FER: variants seen among roughly 807,000 people sequenced by gnomAD.
FER encodes tyrosine-protein kinase Fer.
In FER, 63 loss-of-function variants were observed where a neutral mutation model predicts 111.0. The ratio of observed to expected loss-of-function variants is 0.57; its 90% confidence interval spans 0.46 to 0.70. FER has a LOEUF of 0.70. Ranked by LOEUF, FER falls within the 30% of genes least tolerant of loss-of-function variation. The pLI, the probability that FER is intolerant of heterozygous loss-of-function variation, is 0.00. For missense variants in FER, 914 were observed against 954.0 expected, an observed-to-expected ratio of 0.96 and a Z score of 0.55; for synonymous variants, 327 against 313.9, an observed-to-expected ratio of 1.04 and a Z score of -0.44.
intron 16 of FER, among the ~76,000 whole-genome samples, chr5:109,087,452 AATT>A (rs1777690585): frequency 1.3e-5 from 2 of 151,772 alleles, no homozygotes. Context: ...TTATTCTATT[AATT>A]ATTGAGAAAA....
intron 13 of FER, among the ~76,000 whole-genome samples, chr5:109,029,103 A>T (rs957695401): frequency 6.6e-6 from 1 of 152,182 alleles, no homozygotes; most frequent in East Asian, 1.9e-4. Flanking sequence ...GAGTATAGAG[A>T]TAAGCAGAAA....
At position 109,010,649 on chromosome 5, in the gene FER, T is replaced by C. The variant is rs1203986320; in HGVS notation, c.1657-26773T>C. Among the ~76,000 whole-genome samples the C allele has an allele frequency of 3.9e-5, 6 of 152,302 alleles. No individual in the cohort carries two copies. The East Asian group carries it at 1.2e-3, about 29-fold the overall frequency. On this transcript the variant is annotated intron_variant, in intron 13 of 19. Transcript: ENST00000281092. Reference sequence around the variant, plus strand: ...ATCTTCTCTTCCCTTCCTGGATTTATATCTTGATCCCCGGTCCATGGCATT... The same window carrying C: ...ATCTTCTCTTCCCTTCCTGGATTTACATCTTGATCCCCGGTCCATGGCATT...
chr5:109,114,055 G>A (rs1749944664), intron 17 of FER, among the ~76,000 whole-genome samples: 1 of 152,104 alleles, frequency 6.6e-6, no homozygotes, highest in South Asian at 2.1e-4. Flanking sequence ...TGGTGCTAAA[G>A]TGACATTCTT....
At chr5:109,036,916 T>G (rs1770486896) in intron 13 of FER, among the ~76,000 whole-genome samples, 1 of 152,018 alleles carries the variant, frequency 6.6e-6, no homozygotes, top group South Asian at 2.1e-4. Context: ...CACAGGAGAT[T>G]ACTTGGGAAA....
intron 11 of FER, among the ~76,000 whole-genome samples, chr5:108,946,786 A>T (rs1406167760): frequency 8.6e-6 from 1 of 116,588 alleles, no homozygotes; most frequent in Admixed American, 9.5e-5. Flanking sequence ...CACACAGAAG[A>T]GTTTCTCTAA....
intron 14 of FER, among the ~76,000 whole-genome samples, chr5:109,042,396 T>A (rs1220642347): frequency 1.3e-5 from 2 of 152,064 alleles, no homozygotes; most frequent in Non-Finnish European, 2.9e-5. Context: ...AGCAAAGGTT[T>A]GCGTTGAATG....
chr5:108,781,723 G>A (rs1013707447), intron 2 of FER, among the ~76,000 whole-genome samples: 1 of 152,082 alleles, frequency 6.6e-6, no homozygotes, highest in Non-Finnish European at 1.5e-5. Context: ...CGTCTCCCAA[G>A]GTAAGACAGC....
chr5:109,006,819 A>C (rs990100001), intron 13 of FER, among the ~76,000 whole-genome samples: 1 of 152,114 alleles, frequency 6.6e-6, no homozygotes, highest in Non-Finnish European at 1.5e-5. Context: ...TGATGCTCAT[A>C]TGGTGGGGGG....
intron 5 of FER, chr5:108,843,043 TAA>T (rs1427414862): frequency 6.6e-6 from 1 of 152,192 alleles, no homozygotes; most frequent in Non-Finnish European, 1.5e-5. Context: ...GTGGTGTATA[TAA>T]GAGTGTATAC....
intron 17 of FER, among the ~76,000 whole-genome samples, chr5:109,128,176 C>T (rs556252387): frequency 6.6e-6 from 1 of 151,754 alleles, no homozygotes; most frequent in Non-Finnish European, 1.5e-5. Context: ...TCCTTCCTTA[C>T]CCAGTGATTG....
intron 2 of FER, among the ~76,000 whole-genome samples, chr5:108,777,395 A>G (rs1753608515): frequency 1.3e-5 from 2 of 152,136 alleles, no homozygotes; most frequent in Admixed American, 1.3e-4. Flanking sequence ...AGAGTGGTAT[A>G]TTTGTTTACA....
chr5:109,043,815 A>C (rs1301237110), intron 14 of FER, among the ~76,000 whole-genome samples: 1 of 152,014 alleles, frequency 6.6e-6, no homozygotes, highest in Non-Finnish European at 1.5e-5. Context: ...TACTAAAAAT[A>C]CAAAAATTAG....
chr5:109,168,281 T>C (rs150406810), intron 17 of FER, among the ~76,000 whole-genome samples: 1 of 152,284 alleles, frequency 6.6e-6, no homozygotes, highest in East Asian at 1.9e-4. Context: ...TTTCCTGGCA[T>C]AAATGACGTC....
At chr5:109,058,899 A>T (rs1270015931) in intron 16 of FER, among the ~76,000 whole-genome samples, 1 of 151,214 alleles carries the variant, frequency 6.6e-6, no homozygotes, top group Non-Finnish European at 1.5e-5. Context: ...TGCCCGGCTA[A>T]TTTTTGTATT....
intron 14 of FER, among the ~76,000 whole-genome samples, chr5:109,043,500 T>C (rs978962824): frequency 1.3e-5 from 2 of 152,288 alleles, no homozygotes; most frequent in East Asian, 1.9e-4. Context: ...GTTAAAAATA[T>C]TTTAAGGTAT....
intron 10 of FER, among the ~76,000 whole-genome samples, chr5:108,928,000 T>C (rs1023449670): frequency 6.6e-6 from 1 of 152,220 alleles, no homozygotes; most frequent in Non-Finnish European, 1.5e-5. Context: ...AAACCTTATT[T>C]ATCTAGGTTA....
intron 1 of FER, among the ~76,000 whole-genome samples, chr5:108,759,123 G>C (rs899845041): frequency 3.9e-5 from 6 of 152,160 alleles, no homozygotes; most frequent in African/African-American, 1.4e-4. Context: ...ATAATTAATT[G>C]TAGTAAGGCC....
chr5:108,749,330 G>A (rs1350429472), intron 1 of FER, among the ~76,000 whole-genome samples: 1 of 152,190 alleles, frequency 6.6e-6, no homozygotes, highest in East Asian at 1.9e-4. Flanking sequence ...TGAGGGGGCG[G>A]GTGCCGGCGC....
chr5:108,869,718 A>G (rs1231323757), intron 6 of FER, among the ~76,000 whole-genome samples: 1 of 152,146 alleles, frequency 6.6e-6, no homozygotes, highest in Non-Finnish European at 1.5e-5. Context: ...GATTAGGGAT[A>G]ATATTTCTTG....
Sources: allele counts gnomAD v4.1 joint callset (sites outside exome capture counted in the v4.1 genomes callset), GRCh38; gene constraint gnomAD v4.1.1; transcripts MANE v1.5; gene names NCBI Gene and HGNC (gene_info 2026-07-23, HGNC 2026-07-21).